The following IRF6 variants were observed in gnomAD, a reference collection of about 807,000 sequenced individuals.
IRF6 encodes Van der Woude syndrome.
In IRF6, 6 loss-of-function variants were observed where a neutral mutation model predicts 51.4. The ratio of observed to expected loss-of-function variants is 0.12; its 90% CI spans 0.06 to 0.23. The LOEUF (loss-of-function observed/expected upper bound fraction) is 0.23. IRF6 is among the 10% of genes least tolerant of loss of function. The pLI is 1.00. For missense variants in IRF6, 348 were observed against 585.2 expected (o/e 0.59, Z 4.18); for synonymous variants, 178 against 215.7 (o/e 0.83, Z 1.53).
Position 209,793,879 on chromosome 1 carries a change from A to C in IRF6, c.508+1411T>G, listed in dbSNP as rs564032657. ...AGGATAATGCCCTCCAGCTACATCC[A>C]TGTTGCTGCAAAAGACATGATCTTA... On this transcript the variant is annotated intron_variant, in intron 5 of 8. Transcript: ENST00000367021. Among the ~76,000 whole-genome samples the C allele has an allele frequency of 7.2e-5, 11 of 152,266 alleles. No individual in the cohort carries two copies. The South Asian group carries it at 2.3e-3, about 32-fold the overall frequency.
At chr1:209,800,967 A>G (rs2077937251) in intron 3 of IRF6, among the ~76,000 whole-genome samples, 1 of 152,160 alleles carries the variant, frequency 6.6e-6, no homozygotes, top group Non-Finnish European at 1.5e-5. Context: ...AAACAAACAC[A>G]TCACTACAAT....
chr1:209,796,361 C>T lies in IRF6; in HGVS notation c.366G>A (p.Ser122=), dbSNP rs146068713. ...QVCDIPQPQG[S]IINPGSTGSA... The stretch of plus-strand genomic sequence containing the variant: ...CTGGGGCCTCACCTGGGTTAATGAT[C>T]GAGCCCTGGGGCTGAGGGATGTCAC... The change falls in exon 4 of 9, where the codon TCG becomes TCA. Residue 122 remains serine (S), a synonymous_variant. Coordinates refer to ENST00000367021, the MANE Select transcript of IRF6 (RefSeq NM_006147.4). The surrounding 1 kb of genome is among the most constrained non-coding windows in gnomAD (Gnocchi z 4.5). 32 of 1,613,948 alleles carry T rather than the reference C, an allele frequency of 2.0e-5. No homozygotes were observed. Among genetic ancestry groups the T allele is most frequent in the Admixed American group, 1.8e-4 (11 of 60,014 alleles).
At chr1:209,797,019 G>A (rs1365986213) in intron 3 of IRF6, among the ~76,000 whole-genome samples, 1 of 152,114 alleles carries the variant, frequency 6.6e-6, no homozygotes, top group African/African-American at 2.4e-5. Context: ...GGATGGCAGA[G>A]GATATGAAGA....
intron 3 of IRF6, among the ~76,000 whole-genome samples, chr1:209,797,396 A>AAAAAAAAAT (rs2077909481): frequency 6.7e-6 from 1 of 150,338 alleles, no homozygotes; most frequent in African/African-American, 2.4e-5. Flanking sequence ...AAAAAAAAAA[A>AAAAAAAAAT]GAATTGTAGA....
At chr1:209,797,508 C>A (rs1000750323) in intron 3 of IRF6, among the ~76,000 whole-genome samples, 1 of 152,082 alleles carries the variant, frequency 6.6e-6, no homozygotes, top group Non-Finnish European at 1.5e-5. Flanking sequence ...TTACCTTACC[C>A]TATCCCCTCA....
At chr1:209,800,056 A>G (rs2077929959) in intron 3 of IRF6, among the ~76,000 whole-genome samples, 1 of 152,194 alleles carries the variant, frequency 6.6e-6, no homozygotes, top group South Asian at 2.1e-4. Context: ...GACCCACAGT[A>G]GAGACTGTAT....
chr1:209,792,680 T>C (rs976959434), intron 5 of IRF6: 10 of 542,196 alleles, frequency 1.8e-5, no homozygotes, highest in African/African-American at 5.7e-5. Context: ...AAGATTAACA[T>C]AGACATGTGA....
intron 3 of IRF6, among the ~76,000 whole-genome samples, chr1:209,800,360 T>G (rs2077933121): frequency 1.3e-5 from 2 of 152,266 alleles, no homozygotes; most frequent in Non-Finnish European, 2.9e-5. Flanking sequence ...GTCATATCAG[T>G]GCTATTTCTT....
rs1461016620 is a variant in IRF6 at position 209,801,410 on chromosome 1, C to G, written c.4G>C (p.Ala2Pro). 6.3e-7 allele frequency: 1 copy of G among 1,591,608 alleles called. No homozygotes were observed. The highest frequency in any genetic ancestry group is 1.8e-5 in the Admixed American group (1 of 56,500). The change falls in exon 3 of 9, where the codon GCC becomes CCC. Residue 2 changes from alanine to proline, a missense_variant. Physicochemically the swap from Ala to Pro is conservative, Grantham distance 27. Around this residue, in one of 5 missense-constraint regions of IRF6, gnomAD observed 48 missense variants for 128.1 expected, o/e 0.37. Coordinates refer to ENST00000367021, the MANE Select transcript of IRF6 (RefSeq NM_006147.4). ...AGCCGGACTCTGCGGGGGTGGAGGG[C>G]CATGATCTGGGGGGGTCAGAGGGAG... M[A>P]LHPRRVRLKP...
chr1:209,793,364 G>A (rs2077880930), intron 5 of IRF6, among the ~76,000 whole-genome samples: 2 of 152,102 alleles, frequency 1.3e-5, no homozygotes, highest in South Asian at 4.1e-4. Context: ...AAGGATTAAA[G>A]GCAGCTCAAA....
chr1:209,803,895 T>C lies in IRF6; in HGVS notation c.-75-1852A>G, dbSNP rs74415231. 6.8e-3 allele frequency among the ~76,000 whole-genome samples: 1,033 copies of C among 152,258 alleles called. 16 individuals carry two copies. Among genetic ancestry groups the C allele is most frequent in the African/African-American group, 0.024 (982 of 41,548 alleles). Reference sequence around the variant, plus strand: ...GGGCAGGGGGAAACAGCATACAACTTGACTGTGTAGCACTATCTCCATCTT... The same window carrying C: ...GGGCAGGGGGAAACAGCATACAACTCGACTGTGTAGCACTATCTCCATCTT... On this transcript the variant is annotated intron_variant, in intron 1 of 8. Transcript: ENST00000367021.
At chr1:209,797,643 C>G (rs2077911380) in intron 3 of IRF6, among the ~76,000 whole-genome samples, 1 of 152,164 alleles carries the variant, frequency 6.6e-6, no homozygotes, top group Non-Finnish European at 1.5e-5. Context: ...TTTCCCCAGA[C>G]AAGAAGAAGT....
rs1397557533 is a variant in IRF6, at chr1:209,790,181, C to T, written c.1060+314G>A. ...GAACATAACAAACAGGATTACCTTC[C>T]AAAGTTAAAGACACGCTGGTAACAT... On this transcript the variant is annotated intron_variant, in intron 7 of 8. Coordinates refer to ENST00000367021, the MANE Select transcript of IRF6 (RefSeq NM_006147.4). This position sits in a 1 kb window ranked among gnomAD's most constrained non-coding sequence, Gnocchi z 4.8. Among the ~76,000 whole-genome samples the T allele has an allele frequency of 6.6e-6, 1 of 152,206 alleles. No individual in the cohort carries two copies. The highest frequency in any genetic ancestry group is 1.5e-5 in the Non-Finnish European group (1 of 68,040).
chr1:209,788,953 G>A (rs975430694), intron 8 of IRF6, among the ~76,000 whole-genome samples: 1 of 152,228 alleles, frequency 6.6e-6, no homozygotes, highest in African/African-American at 2.4e-5. Context: ...AACTCCAGGG[G>A]CAAAGCCCAA....
intron 3 of IRF6, among the ~76,000 whole-genome samples, chr1:209,799,124 T>C (rs1284103147): frequency 6.6e-6 from 1 of 152,136 alleles, no homozygotes; most frequent in Non-Finnish European, 1.5e-5. Flanking sequence ...CATACTTTAT[T>C]TCACTTGATT....
Position 209,790,561 on chromosome 1 carries a change from C to T in IRF6, c.994G>A (p.Val332Ile), listed in dbSNP as rs139649287. Reference sequence around the variant, plus strand: ...TGTCTCTCAATCAGGTTGGGAGCAACAAGTGATGGGGCACATGGCCCAGAC... The same window carrying T: ...TGTCTCTCAATCAGGTTGGGAGCAATAAGTGATGGGGCACATGGCCCAGAC... Reference protein sequence around the residue: ...YWSGPCAPSLVAPNLIERQKK... With the variant: ...YWSGPCAPSLIAPNLIERQKK... The change falls in exon 7 of 9, where the codon GTT (valine) becomes ATT (isoleucine). Residue 332 changes from valine (V) to isoleucine (I), a missense_variant. This residue lies in a region of IRF6 where 125 missense variants were observed against 222.0 expected (regional missense o/e 0.56). Coordinates refer to ENST00000367021, the MANE Select transcript of IRF6 (RefSeq NM_006147.4). The surrounding 1 kb of genome is among the most constrained non-coding windows in gnomAD (Gnocchi z 4.8). The T allele has an allele frequency of 1.6e-4, 259 of 1,614,224 alleles. 7 individuals carry two copies. In the South Asian group the frequency reaches 2.5e-3, roughly 15 times the overall value.
rs549149643 is a variant in IRF6 at position 209,788,221 on chromosome 1, T to C, written c.*199A>G. ...GCTATATCATACTACCATTAGGAGA[T>C]TTGAAAAAGAAAAGCAAAGTCTGAA... On this transcript the variant is annotated 3_prime_UTR_variant, in exon 9 of 9. Coordinates refer to ENST00000367021, the MANE Select transcript of IRF6 (RefSeq NM_006147.4). 165 of 596,106 alleles carry C rather than the reference T, an allele frequency of 2.8e-4. No individual in the cohort carries two copies. In the African/African-American group the frequency reaches 2.8e-3, roughly 10 times the overall value. The allele number at this position is 596,106 out of a possible 1,614,324, so 36.9% of individuals were successfully genotyped here.
intron 3 of IRF6, 85 bp downstream of exon 3, chr1:209,801,155 A>C (rs1453668068): frequency 8.5e-7 from 1 of 1,178,012 alleles, no homozygotes; most frequent in Non-Finnish European, 1.2e-6. Context: ...GTTTCACCAG[A>C]GTTTTAGATC....
intron 1 of IRF6, among the ~76,000 whole-genome samples, chr1:209,805,492 C>A (rs1379372023): frequency 6.6e-6 from 1 of 152,202 alleles, no homozygotes; most frequent in Non-Finnish European, 1.5e-5. Context: ...GGAGGGAAGA[C>A]AAACCGCCAA....
Sources: allele counts gnomAD v4.1 joint callset (sites outside exome capture counted in the v4.1 genomes callset), GRCh38; gene constraint gnomAD v4.1.1; regional missense constraint gnomAD v4.1.1; non-coding constraint Gnocchi (gnomAD v3.1); transcripts MANE v1.5; gene names NCBI Gene and HGNC (gene_info 2026-07-23, HGNC 2026-07-21).